The following UGT2A1 variants were observed in gnomAD, a reference collection of about 807,000 sequenced individuals.
UGT2A1 encodes the protein UDP glucuronosyltransferase family 2 member A1 complex locus, also known as UDP-glucuronosyltransferase 2A1.
In UGT2A1, 61 loss-of-function variants were observed where a neutral mutation model predicts 45.4. The observed-to-expected ratio is 1.34, with a 90% CI of 1.09 to 1.66. The LOEUF (loss-of-function observed/expected upper bound fraction) is 1.66, where lower values mean the gene tolerates loss of function less well. UGT2A1 is among the 40% of genes most tolerant of loss of function. The pLI, the probability that UGT2A1 is intolerant of heterozygous loss-of-function variation, is 0.00. For missense variants in UGT2A1, 649 were observed against 574.3 expected, an observed-to-expected ratio of 1.13 and a Z score of -1.33; for synonymous variants, 229 against 196.2, an observed-to-expected ratio of 1.17 and a Z score of -1.40.
At chr4:69,642,776 A>G (rs1283284059) in intron 2 of UGT2A1, among the ~76,000 whole-genome samples, 2 of 151,608 alleles carry the variant, frequency 1.3e-5, no homozygotes, top group African/African-American at 2.4e-5. Context: ...GTATTTTTAC[A>G]TATTATATAC....
intron 4 of UGT2A1, chr4:69,596,098 A>G (rs1194699740): frequency 8.4e-7 from 1 of 1,186,854 alleles, no homozygotes; most frequent in Non-Finnish European, 1.1e-6. Flanking sequence ...AATGTACACA[A>G]TTTTAATATA....
At chr4:69,629,483 T>A (rs1721267091) in intron 3 of UGT2A1, among the ~76,000 whole-genome samples, 2 of 152,060 alleles carry the variant, frequency 1.3e-5, no homozygotes, top group South Asian at 4.2e-4. Context: ...TAGTTTATGT[T>A]ATCAATGTGA....
Position 69,589,436 on chromosome 4 carries a change from A to G in UGT2A1, c.1520T>C (p.Ile507Thr). The G allele has an allele frequency of 6.2e-7, 1 of 1,614,098 alleles. No homozygotes were observed. Among genetic ancestry groups the G allele is most frequent in the Non-Finnish European group, 8.5e-7 (1 of 1,180,000 alleles). ...TTGACAGGAAAACAAACAACATTGT[A>G]TGACCAAAAATATAGCCGTTGTCAC... ...VCVTTAIFLV[I>T]QCCLFSCQKF... Residue 507 changes from isoleucine to threonine, a missense_variant, in exon 7 of 7, where the codon ATA (isoleucine) becomes ACA (threonine). By Grantham distance (89) the Ile-to-Thr change is moderately conservative (BLOSUM62 -1). Coordinates refer to ENST00000286604, the MANE Select transcript of UGT2A1 (RefSeq NM_001252275.3).
intron 3 of UGT2A1, among the ~76,000 whole-genome samples, chr4:69,620,501 C>T (rs1720687271): frequency 6.6e-6 from 1 of 151,828 alleles, no homozygotes; most frequent in South Asian, 2.1e-4. Context: ...AATGAAAAAA[C>T]ATTTCATGCT....
At chr4:69,630,378 G>A (rs968126195) in intron 3 of UGT2A1, among the ~76,000 whole-genome samples, 15 of 151,804 alleles carry the variant, frequency 9.9e-5, no homozygotes, top group African/African-American at 3.1e-4. Context: ...ACCTCTTCCC[G>A]GTTACACTCT....
At chr4:69,602,350 T>G (rs1719342094) in intron 3 of UGT2A1, among the ~76,000 whole-genome samples, 1 of 137,440 alleles carries the variant, frequency 7.3e-6, no homozygotes, top group South Asian at 2.4e-4. Flanking sequence ...AAGAGCATTC[T>G]TATCAAGACG....
intron 3 of UGT2A1, among the ~76,000 whole-genome samples, chr4:69,600,757 C>T (rs1232717265): frequency 6.6e-6 from 1 of 151,474 alleles, no homozygotes; most frequent in African/African-American, 2.4e-5. Context: ...GGTTGTTTTG[C>T]ATGATGGGAG....
chr4:69,645,487 T>C (rs1170836224), intron 2 of UGT2A1, among the ~76,000 whole-genome samples: 1 of 151,728 alleles, frequency 6.6e-6, no homozygotes, highest in African/African-American at 2.4e-5. Flanking sequence ...TATGTGGATG[T>C]TGCCTGTAAG....
chr4:69,647,204 C>A lies in UGT2A1; in HGVS notation c.441G>T (p.Leu147=), dbSNP rs1722309930. 8 of 1,613,190 alleles carry A rather than the reference C, an allele frequency of 5.0e-6. No homozygotes were observed. The highest frequency in any genetic ancestry group is 6.8e-6 in the Non-Finnish European group (8 of 1,179,418). The part of the protein sequence containing the change: ...AKLKKSKFEV[L]VSDPVFPCGD... Reference sequence around the variant, plus strand: ...CACAAGGAAATACTGGATCAGACACCAGGACTTCAAACTTGCTTTTCTTTA... The same window carrying A: ...CACAAGGAAATACTGGATCAGACACAAGGACTTCAAACTTGCTTTTCTTTA... The change falls in exon 2 of 7, where the codon CTG becomes CTT. Residue 147 remains leucine (L), a synonymous_variant. Coordinates refer to ENST00000286604, the MANE Select transcript of UGT2A1 (RefSeq NM_001252275.3).
At chr4:69,616,387 T>A (rs1321321751) in intron 3 of UGT2A1, among the ~76,000 whole-genome samples, 1 of 151,980 alleles carries the variant, frequency 6.6e-6, no homozygotes, top group Non-Finnish European at 1.5e-5. Flanking sequence ...AATTGGAATT[T>A]TCCTAACATA....
chr4:69,607,543 G>T (rs1308939026), intron 3 of UGT2A1, among the ~76,000 whole-genome samples: 1 of 151,790 alleles, frequency 6.6e-6, no homozygotes, highest in African/African-American at 2.4e-5. Flanking sequence ...CAAAAGCAAT[G>T]GCAACAAAAG....
rs369273132 is a variant in UGT2A1, at chr4:69,639,478, T to C, written c.716-3656A>G. On this transcript the variant is annotated intron_variant, in intron 2 of 6. Coordinates refer to ENST00000286604, the MANE Select transcript of UGT2A1 (RefSeq NM_001252275.3). ...GCCAGTACAGTCACATTGTGATTTC[T>C]TTGAATCAACTCTTCTAGAATAATC... 32 of 1,613,108 alleles carry C rather than the reference T, an allele frequency of 2.0e-5. No homozygotes were observed. In the African/African-American group the frequency reaches 4.0e-4, roughly 20 times the overall value.
chr4:69,637,718 G>T (rs915394479), intron 2 of UGT2A1, among the ~76,000 whole-genome samples: 3 of 151,936 alleles, frequency 2.0e-5, no homozygotes, highest in African/African-American at 4.8e-5. Context: ...TTTATTTATT[G>T]GTTGTCTCCT....
chr4:69,616,631 A>G (rs1054034535), intron 3 of UGT2A1, among the ~76,000 whole-genome samples: 1 of 151,984 alleles, frequency 6.6e-6, no homozygotes, highest in South Asian at 2.1e-4. Context: ...TGGCTTACCC[A>G]TTCAATTAAT....
rs1252655509 is a variant in UGT2A1, at chr4:69,605,357, T to G, written c.848-5963A>C. On this transcript the variant is annotated intron_variant, in intron 3 of 6. Transcript: ENST00000286604. ...AACGAAATGAAGGCAGAAATAAAGA[T>G]GTTCTTTGAAACTAACGACAACAAA... is the stretch of plus-strand genomic sequence containing the variant. Among the ~76,000 whole-genome samples, 2 of 136,974 alleles carry G rather than the reference T, an allele frequency of 1.5e-5. 1 individual carries two copies. Among genetic ancestry groups the G allele is most frequent in the Non-Finnish European group, 3.1e-5 (2 of 64,422 alleles). The allele number at this position is 136,974 out of a possible 152,430, so 89.9% of individuals were successfully genotyped here. A position where few individuals can be genotyped will look rare whatever the true frequency, so the allele number is the denominator to read the frequency against.
chr4:69,631,147 A>G (rs1200304140), intron 3 of UGT2A1, among the ~76,000 whole-genome samples: 1 of 152,112 alleles, frequency 6.6e-6, no homozygotes, highest in East Asian at 1.9e-4. Flanking sequence ...CTTCCTATTA[A>G]CGTCTTTTCT....
At chr4:69,604,175 G>A (rs1176055109) in intron 3 of UGT2A1, among the ~76,000 whole-genome samples, 1 of 135,786 alleles carries the variant, frequency 7.4e-6, no homozygotes, top group Non-Finnish European at 1.6e-5. Context: ...GAGAAAGGTC[G>A]GGTTACCCAC....
chr4:69,594,552 G>A lies in UGT2A1; in HGVS notation c.1229C>T (p.Ala410Val), dbSNP rs1718797170. ...NIAHMKAKGA[A>V]VEVNLNTMTS... ...CATTGTGTTTAGGTTCACTTCCACA[G>A]CTGCTCCTTTGGCCTTCATGTGAGC... The change falls in exon 6 of 7, where the codon GCT becomes GTT. Residue 410 changes from alanine (A) to valine (V), a missense_variant. By Grantham distance (64) the Ala-to-Val change is moderately conservative (BLOSUM62 0). Transcript: ENST00000286604. 2 of 1,614,026 alleles carry A rather than the reference G, an allele frequency of 1.2e-6. No homozygotes were observed. Among genetic ancestry groups the A allele is most frequent in the Non-Finnish European group, 8.5e-7 (1 of 1,180,052 alleles).
chr4:69,612,589 T>G (rs1720128940), intron 3 of UGT2A1, among the ~76,000 whole-genome samples: 2 of 152,032 alleles, frequency 1.3e-5, no homozygotes, highest in African/African-American at 4.8e-5. Context: ...CACAAAACCA[T>G]TTGATTTTTC....
Sources: gnomAD v4.1 joint callset for allele counts (sites outside exome capture counted in the v4.1 genomes callset) on GRCh38, gnomAD v4.1.1 for gene constraint, MANE v1.5 for transcripts, NCBI Gene and HGNC (gene_info 2026-07-23, HGNC 2026-07-21) for gene names.